CSGALNACT1: variants seen among roughly 807,000 people sequenced by gnomAD.
CSGALNACT1 encodes chondroitin sulfate N-acetylgalactosaminyltransferase 1.
CSGALNACT1 carries 52 observed loss-of-function variants against 51.0 expected under a neutral mutation model. The ratio of observed to expected loss-of-function variants is 1.02; its 90% confidence interval spans 0.82 to 1.29. CSGALNACT1 has a LOEUF of 1.29. Ranked by LOEUF, CSGALNACT1 falls within the 50% of genes most tolerant of loss-of-function variation. CSGALNACT1 has a pLI of 0.00. For synonymous variants in CSGALNACT1, 341 were observed against 254.4 expected (o/e 1.34, Z -3.24); for missense variants, 935 against 679.2 (o/e 1.38, Z -4.19).
chr8:19,496,126 C>T (rs1003376793), intron 4 of CSGALNACT1, among the ~76,000 whole-genome samples: 1 of 152,146 alleles, frequency 6.6e-6, no homozygotes, highest in African/African-American at 2.4e-5. Flanking sequence ...ATAAGAACAG[C>T]CTTACTTTTT....
intron 3 of CSGALNACT1, among the ~76,000 whole-genome samples, chr8:19,518,275 G>A (rs893003011): frequency 2.6e-5 from 4 of 152,138 alleles, no homozygotes; most frequent in African/African-American, 7.2e-5. Context: ...TGGAGCCCCA[G>A]ACATACATAA....
intron 1 of CSGALNACT1, among the ~76,000 whole-genome samples, chr8:19,649,579 T>C (rs971705762): frequency 1.3e-5 from 2 of 151,926 alleles, no homozygotes; most frequent in Non-Finnish European, 2.9e-5. Context: ...CTCAAAAAGA[T>C]GGAAAAGACA....
At chr8:19,521,081 C>T (rs987735948) in intron 3 of CSGALNACT1, among the ~76,000 whole-genome samples, 7 of 152,142 alleles carry the variant, frequency 4.6e-5, no homozygotes, top group African/African-American at 1.4e-4. Context: ...GGGGAGACAT[C>T]ATAGCAAAGG....
At chr8:19,619,321 C>T (rs766175669) in intron 1 of CSGALNACT1, among the ~76,000 whole-genome samples, 2 of 151,324 alleles carry the variant, frequency 1.3e-5, no homozygotes, top group Non-Finnish European at 2.9e-5. Flanking sequence ...GTGAGGAATA[C>T]AATATGGCTG....
exon 10 of CSGALNACT1, chr8:19,405,582 G>A: frequency 1.3e-6 from 1 of 750,768 alleles, no homozygotes; most frequent in East Asian, 2.7e-5. Context: ...GTGCAACTGG[G>A]TTACTTTTGC....
At chr8:19,431,144 A>C (rs190114569) in intron 6 of CSGALNACT1, among the ~76,000 whole-genome samples, 2 of 152,138 alleles carry the variant, frequency 1.3e-5, no homozygotes, top group African/African-American at 4.8e-5. Context: ...TTCCTTTCCA[A>C]TCTGGATGAC....
At chr8:19,485,749 C>T (rs571739331) in intron 4 of CSGALNACT1, among the ~76,000 whole-genome samples, 20 of 120,614 alleles carry the variant, frequency 1.7e-4, no homozygotes, top group Non-Finnish European at 1.9e-4. Context: ...CTCACTGCCA[C>T]CTCAGCTTGC....
chr8:19,625,161 A>G (rs567508212), intron 1 of CSGALNACT1, among the ~76,000 whole-genome samples: 165 of 152,308 alleles, frequency 1.1e-3, no homozygotes, highest in African/African-American at 3.6e-3. Flanking sequence ...GAGGGACTGT[A>G]AAGTATAGTC....
intron 3 of CSGALNACT1, among the ~76,000 whole-genome samples, chr8:19,517,630 C>T (rs186424579): frequency 1.3e-5 from 2 of 152,204 alleles, no homozygotes; most frequent in African/African-American, 4.8e-5. Flanking sequence ...GGGGAGGCCT[C>T]ACAATCATGG....
intron 4 of CSGALNACT1, among the ~76,000 whole-genome samples, chr8:19,476,440 C>T (rs1443576132): frequency 2.0e-5 from 3 of 152,118 alleles, no homozygotes; most frequent in Non-Finnish European, 4.4e-5. Flanking sequence ...TGGGGTTTCG[C>T]CATGTTGGCC....
intron 4 of CSGALNACT1, among the ~76,000 whole-genome samples, chr8:19,483,370 C>T (rs916641143): frequency 1.3e-5 from 2 of 152,194 alleles, no homozygotes; most frequent in Admixed American, 6.5e-5. Context: ...GTGATATCCC[C>T]AAGTTTCATC....
chr8:19,466,451 C>G (rs2066698132), intron 4 of CSGALNACT1, among the ~76,000 whole-genome samples: 2 of 152,302 alleles, frequency 1.3e-5, no homozygotes, highest in African/African-American at 4.8e-5. Context: ...ACACATTCTG[C>G]TTACTCTGTT....
intron 8 of CSGALNACT1, among the ~76,000 whole-genome samples, chr8:19,410,846 T>C (rs2055534379): frequency 6.6e-6 from 1 of 152,186 alleles, no homozygotes; most frequent in Admixed American, 6.5e-5. Context: ...AGCATGTAAT[T>C]TCAGGGCAAG....
chr8:19,478,263 A>C (rs1463449251), intron 4 of CSGALNACT1, among the ~76,000 whole-genome samples: 1 of 151,630 alleles, frequency 6.6e-6, no homozygotes, highest in Admixed American at 6.6e-5. Context: ...AAATACAAAA[A>C]ATTGGCCGGG....
At chr8:19,562,127 C>T (rs1447853219) in intron 3 of CSGALNACT1, among the ~76,000 whole-genome samples, 1 of 152,200 alleles carries the variant, frequency 6.6e-6, no homozygotes, top group Non-Finnish European at 1.5e-5. Context: ...ACCATCCTGC[C>T]ACCCCCACAG....
chr8:19,530,423 C>T (rs2082542410), intron 3 of CSGALNACT1, among the ~76,000 whole-genome samples: 1 of 152,006 alleles, frequency 6.6e-6, no homozygotes, highest in African/African-American at 2.4e-5. Flanking sequence ...TAACTCTTTG[C>T]TTCATTAACA....
chr8:19,603,013 T>C (rs928477582), upstream of CSGALNACT1, among the ~76,000 whole-genome samples: 11 of 149,160 alleles, frequency 7.4e-5, no homozygotes, highest in East Asian at 2.0e-4. Flanking sequence ...TATATTCATA[T>C]ATACAAACAT....
intron 1 of CSGALNACT1, among the ~76,000 whole-genome samples, chr8:19,705,337 T>A (rs1409160570): frequency 6.6e-6 from 1 of 152,178 alleles, no homozygotes; most frequent in South Asian, 2.1e-4. Flanking sequence ...TGGAAACAAT[T>A]TAAATGTTCA....
intron 1 of CSGALNACT1, among the ~76,000 whole-genome samples, chr8:19,688,162 A>G (rs1183758286): frequency 6.6e-6 from 1 of 152,210 alleles, no homozygotes; most frequent in Non-Finnish European, 1.5e-5. Context: ...GTCCCTGGAG[A>G]CATCGGTGGG....
Sources: allele counts gnomAD v4.1 joint callset (sites outside exome capture counted in the v4.1 genomes callset), GRCh38; gene constraint gnomAD v4.1.1; transcripts MANE v1.5; gene names NCBI Gene and HGNC (gene_info 2026-07-23, HGNC 2026-07-21).